The following MALRD1 variants were observed in gnomAD, a reference collection of about 807,000 sequenced individuals.
MALRD1 encodes the protein MAM and LDL-receptor class A domain-containing protein 1.
Under a neutral mutation model 242.1 loss-of-function variants are expected in MALRD1, and 247 were observed. The ratio of observed to expected loss-of-function variants is 1.02; its 90% CI spans 0.92 to 1.13. The LOEUF is 1.13. Among genes scored for constraint, MALRD1 ranks in the 50% most tolerant of loss-of-function variants. The pLI is 0.00. For synonymous variants in MALRD1, 995 were observed against 866.6 expected (o/e 1.15, Z -2.60); for missense variants, 2,989 against 2,533.1 (o/e 1.18, Z -3.86).
rs772835021 is a variant in MALRD1 at position 19,270,658 on chromosome 10, C to T, written c.3080-9389C>T. Among the ~76,000 whole-genome samples the T allele has an allele frequency of 1.8e-4, 27 of 151,970 alleles. 1 individual carries two copies. Among genetic ancestry groups the T allele is most frequent in the Non-Finnish European group, 3.4e-4 (23 of 68,004 alleles). ...AGAAGTGACTGAATTGCAAAAGAAG[C>T]ACAATTAGGCTGATGACTGACTGCT... On this transcript the variant is annotated intron_variant, in intron 19 of 39. Transcript: ENST00000454679.
chr10:19,677,148 T>C (rs991277114), intron 36 of MALRD1, among the ~76,000 whole-genome samples: 1 of 152,190 alleles, frequency 6.6e-6, no homozygotes, highest in African/African-American at 2.4e-5. Flanking sequence ...ATCTTTATAA[T>C]AGAATGATTT....
chr10:19,135,308 C>T (rs1833294094), intron 9 of MALRD1, among the ~76,000 whole-genome samples: 1 of 152,122 alleles, frequency 6.6e-6, no homozygotes, highest in Non-Finnish European at 1.5e-5. Flanking sequence ...GCATGTGCCA[C>T]CATGCCCAGC....
intron 36 of MALRD1, among the ~76,000 whole-genome samples, chr10:19,651,503 C>G (rs1420784436): frequency 6.6e-6 from 1 of 152,148 alleles, no homozygotes; most frequent in East Asian, 1.9e-4. Context: ...AAAAAGCAGA[C>G]TACTTCGAAA....
intron 18 of MALRD1, among the ~76,000 whole-genome samples, chr10:19,226,099 T>C (rs1837788390): frequency 6.6e-6 from 1 of 152,156 alleles, no homozygotes; most frequent in Admixed American, 6.6e-5. Context: ...AGATGCAACA[T>C]TCTTAATACA....
chr10:19,283,269 C>A, intron 21 of MALRD1, 88 bp downstream of exon 21: 4 of 1,097,298 alleles, frequency 3.6e-6, no homozygotes, highest in Non-Finnish European at 3.6e-6. Context: ...TTATCCTAGG[C>A]CAATGCTACT....
intron 29 of MALRD1, among the ~76,000 whole-genome samples, chr10:19,471,124 T>C (rs1365691781): frequency 6.6e-6 from 1 of 151,848 alleles, no homozygotes; most frequent in Non-Finnish European, 1.5e-5. Flanking sequence ...GTAAGATAAA[T>C]GTTCAGTTGC....
chr10:19,702,928 T>A (rs1003660328), intron 38 of MALRD1, among the ~76,000 whole-genome samples: 1 of 152,180 alleles, frequency 6.6e-6, no homozygotes, highest in African/African-American at 2.4e-5. Context: ...TATTGCTTTT[T>A]AAAAACATGG....
intron 24 of MALRD1, among the ~76,000 whole-genome samples, chr10:19,336,706 A>G (rs1263192556): frequency 6.6e-6 from 1 of 152,182 alleles, no homozygotes; most frequent in East Asian, 1.9e-4. Flanking sequence ...ATTGCATAAC[A>G]TAAACTGTGG....
At chr10:19,343,785 ATG>A (rs1465954706) in intron 24 of MALRD1, among the ~76,000 whole-genome samples, 4 of 152,220 alleles carry the variant, frequency 2.6e-5, no homozygotes, top group African/African-American at 9.6e-5. Context: ...ACCACCAATA[ATG>A]TACACAAGAA....
chr10:19,598,904 A>C (rs190386323), intron 34 of MALRD1, among the ~76,000 whole-genome samples: 7 of 152,256 alleles, frequency 4.6e-5, no homozygotes, highest in Admixed American at 2.6e-4. Context: ...AAAGGCAAAA[A>C]TCCTTTAGTA....
At position 19,331,485 on chromosome 10, in the gene MALRD1, A is replaced by G. The variant is rs1211331092; in HGVS notation, c.3804A>G (p.Glu1268=). 1.3e-6 allele frequency: 2 copies of G among 1,550,412 alleles called. No homozygotes were observed. Among genetic ancestry groups the G allele is most frequent in the Non-Finnish European group, 1.7e-6 (2 of 1,146,820 alleles). The change falls in exon 24 of 40, where the codon GAA becomes GAG. Residue 1268 remains glutamate (E), a synonymous_variant. Transcript: ENST00000454679. ...LSPERKCTDH[E]FMCANKHCIA... ...CAGAGAGAAAGTGTACTGATCATGA[A>G]TTCATGTGTGCTAATAAGCACTGCA...
At chr10:19,545,219 G>A (rs1835159248) in intron 32 of MALRD1, among the ~76,000 whole-genome samples, 1 of 151,976 alleles carries the variant, frequency 6.6e-6, no homozygotes, top group African/African-American at 2.4e-5. Context: ...ATTCACATTG[G>A]ATTAGAGCCT....
chr10:19,122,479 AC>A (rs1243082747), intron 5 of MALRD1, among the ~76,000 whole-genome samples: 5 of 152,154 alleles, frequency 3.3e-5, no homozygotes, highest in African/African-American at 1.2e-4. Flanking sequence ...ACAGAGAATG[AC>A]AGTGAGCTCA....
chr10:19,722,458 C>G (rs1174308443), intron 38 of MALRD1: 1 of 151,560 alleles, frequency 6.6e-6, no homozygotes, highest in African/African-American at 2.4e-5. Context: ...GGTGTGGTAG[C>G]ACATTCCTGT....
chr10:19,666,009 A>G (rs1841669344), intron 36 of MALRD1, among the ~76,000 whole-genome samples: 2 of 152,068 alleles, frequency 1.3e-5, no homozygotes, highest in Non-Finnish European at 1.5e-5. Context: ...TCGGAATTCA[A>G]ACGCAGGAGG....
At chr10:19,371,224 G>A (rs1256099647) in intron 26 of MALRD1, among the ~76,000 whole-genome samples, 3 of 151,944 alleles carry the variant, frequency 2.0e-5, no homozygotes, top group Non-Finnish European at 4.4e-5. Flanking sequence ...ACTTTAGCCT[G>A]GGCAACCCAG....
rs530209033 is a variant in MALRD1, at chr10:19,250,177, G to A, written c.2992-7507G>A. 7.2e-5 allele frequency among the ~76,000 whole-genome samples: 11 copies of A among 151,896 alleles called. No individual in the cohort carries two copies. The East Asian group carries it at 1.2e-3, about 16-fold the overall frequency. ...TTTGGCATGTGTGAGCCTATTGATC[G>A]GACAGTAGTGCATTGTGTTCTGTTA... is the stretch of plus-strand genomic sequence containing the variant. On this transcript the variant is annotated intron_variant, in intron 18 of 39. Coordinates refer to ENST00000454679, the MANE Select transcript of MALRD1 (RefSeq NM_001142308.3).
intron 31 of MALRD1, among the ~76,000 whole-genome samples, chr10:19,529,688 G>C (rs2131342020): frequency 6.6e-6 from 1 of 152,046 alleles, no homozygotes; most frequent in Non-Finnish European, 1.5e-5. Flanking sequence ...TGTCAAAATA[G>C]ATGCAAACAC....
intron 20 of MALRD1, among the ~76,000 whole-genome samples, chr10:19,282,367 G>A (rs760117078): frequency 6.6e-6 from 1 of 152,088 alleles, no homozygotes; most frequent in African/African-American, 2.4e-5. Flanking sequence ...AAAAGCTAGA[G>A]TGCACACCAG....
Sources: allele counts gnomAD v4.1 joint callset (sites outside exome capture counted in the v4.1 genomes callset), GRCh38; gene constraint gnomAD v4.1.1; transcripts MANE v1.5; gene names NCBI Gene and HGNC (gene_info 2026-07-23, HGNC 2026-07-21).